Variants in NUP93 observed in about 807,000 individuals in gnomAD.
The protein encoded by NUP93 is nucleoporin 93, also known as nuclear pore complex protein Nup93.
NUP93 carries 55 observed loss-of-function variants against 107.8 expected under a neutral mutation model. The observed-to-expected ratio is 0.51, with a 90% confidence interval of 0.41 to 0.64. The LOEUF (loss-of-function observed/expected upper bound fraction) is 0.64. Ranked by LOEUF, NUP93 falls within the 30% of genes least tolerant of loss-of-function variation. NUP93 has a pLI of 0.00. For synonymous variants in NUP93, 390 were observed against 397.5 expected (o/e 0.98, Z 0.22); for missense variants, 937 against 1,044.7 (o/e 0.90, Z 1.42).
At chr16:56,739,516 C>CG (rs1961672473) in intron 1 of NUP93, among the ~76,000 whole-genome samples, 1 of 77,696 alleles carries the variant, frequency 1.3e-5, no homozygotes, top group African/African-American at 5.0e-5. Flanking sequence ...GCTGGCCGGG[C>CG]GGGGGGGCTG....
intron 3 of NUP93, 78 bp from the exon 4 acceptor site, chr16:56,798,398 G>C (rs1218561368): frequency 6.6e-6 from 8 of 1,204,108 alleles, no homozygotes; most frequent in Non-Finnish European, 6.1e-6. Context: ...TACCATTATG[G>C]TTATTGTTTG....
chr16:56,827,044 CAAAA>C (rs1188027635), intron 8 of NUP93, among the ~76,000 whole-genome samples: 62 of 53,604 alleles, frequency 1.2e-3, no homozygotes, highest in African/African-American at 2.3e-3. Context: ...GACTCCGTCT[CAAAA>C]AAAAAAAAAA....
chr16:56,791,459 G>C (rs546847118), intron 3 of NUP93, among the ~76,000 whole-genome samples: 1 of 152,144 alleles, frequency 6.6e-6, no homozygotes, highest in Non-Finnish European at 1.5e-5. Flanking sequence ...TTTTCACAAA[G>C]GCCCTTATTT....
chr16:56,759,620 T>C (rs1200236725), intron 3 of NUP93, among the ~76,000 whole-genome samples: 1 of 152,234 alleles, frequency 6.6e-6, no homozygotes, highest in African/African-American at 2.4e-5. Flanking sequence ...CTAAATCATT[T>C]TTGCATGTCA....
rs1963969389 is a variant in NUP93 at position 56,839,081 on chromosome 16, G to A, written c.2136+12G>A. 6.3e-7 allele frequency: 1 copy of A among 1,593,930 alleles called. No homozygotes were observed. Among genetic ancestry groups the A allele is most frequent in the South Asian group, 1.1e-5 (1 of 90,312 alleles). ...ATAGAGCTTTTGATGTAAGTTTCAG[G>A]AAAGGTGTTTGAAGTGCAGGTTAAT... On this transcript the variant is annotated intron_variant, in intron 19 of 21. Coordinates refer to ENST00000308159, the MANE Select transcript of NUP93 (RefSeq NM_014669.5).
chr16:56,745,031 A>G (rs1387790366), intron 1 of NUP93, among the ~76,000 whole-genome samples: 1 of 152,210 alleles, frequency 6.6e-6, no homozygotes, highest in Non-Finnish European at 1.5e-5. Flanking sequence ...ACGTCAGTGA[A>G]CAAAACACTG....
At chr16:56,732,823 A>G (rs1269132021) in intron 1 of NUP93, among the ~76,000 whole-genome samples, 1 of 152,232 alleles carries the variant, frequency 6.6e-6, no homozygotes, top group Admixed American at 6.5e-5. Flanking sequence ...ACAAATATGT[A>G]TCTGATCCTG....
At chr16:56,773,835 C>T (rs1040633811) in intron 3 of NUP93, among the ~76,000 whole-genome samples, 6 of 152,170 alleles carry the variant, frequency 3.9e-5, no homozygotes, top group Admixed American at 3.9e-4. Flanking sequence ...ACTAAACAAA[C>T]TGTAAACAAA....
intron 8 of NUP93, among the ~76,000 whole-genome samples, chr16:56,828,262 T>G (rs1288651043): frequency 2.0e-5 from 3 of 151,588 alleles, no homozygotes; most frequent in Non-Finnish European, 4.4e-5. Flanking sequence ...AATGGAATTA[T>G]CTTAGATTAA....
chr16:56,816,502 T>C (rs1282004153), intron 5 of NUP93, among the ~76,000 whole-genome samples: 2 of 152,284 alleles, frequency 1.3e-5, no homozygotes, highest in South Asian at 2.1e-4. Flanking sequence ...CCATCTACTT[T>C]AGGTTCACAA....
At chr16:56,761,675 G>T (rs1962129235) in intron 3 of NUP93, among the ~76,000 whole-genome samples, 1 of 152,110 alleles carries the variant, frequency 6.6e-6, no homozygotes, top group African/African-American at 2.4e-5. Context: ...AAATGCTGAT[G>T]CATTCTTTGA....
Position 56,793,722 on chromosome 16 carries a change from AG to A in NUP93, c.298-4752del, listed in dbSNP as rs746206165. 7.9e-4 allele frequency among the ~76,000 whole-genome samples: 120 copies of A among 152,026 alleles called. 3 individuals are homozygous for A. Among genetic ancestry groups the A allele is most frequent in the Non-Finnish European group, 1.3e-4 (9 of 68,002 alleles). ...TCCATTGGGCTGTTACTTTTCCTTG[AG>A]GTGTGGGTTATTTGAAAGAAACTCA... On this transcript the variant is annotated intron_variant, in intron 3 of 21. Transcript: ENST00000308159.
chr16:56,829,226 A>T, intron 9 of NUP93, 117 bp downstream of exon 9: 3 of 1,268,862 alleles, frequency 2.4e-6, no homozygotes, highest in Non-Finnish European at 3.3e-6. Context: ...ATGGGACCAG[A>T]GAGGGGTGAG....
intron 1 of NUP93, among the ~76,000 whole-genome samples, chr16:56,733,916 T>A (rs543174720): frequency 6.6e-6 from 1 of 152,342 alleles, no homozygotes; most frequent in African/African-American, 2.4e-5. Flanking sequence ...GAAGAAACTT[T>A]CTCAAACCTT....
chr16:56,810,415 A>G lies in NUP93; in HGVS notation c.489+4783A>G, dbSNP rs1418204250. On this transcript the variant is annotated intron_variant, in intron 5 of 21. Transcript: ENST00000308159. Reference sequence around the variant, plus strand: ...AGGCTGAGGCAGGAGGATCACCTGAATCCAGGAGTTTGAGACCAGCCTGGG... The same window carrying G: ...AGGCTGAGGCAGGAGGATCACCTGAGTCCAGGAGTTTGAGACCAGCCTGGG... 3.9e-5 allele frequency among the ~76,000 whole-genome samples: 6 copies of G among 152,276 alleles called. No homozygotes were observed. The East Asian group carries it at 1.2e-3, about 29-fold the overall frequency.
chr16:56,826,380 T>C (rs1340483116), intron 8 of NUP93, among the ~76,000 whole-genome samples: 1 of 151,954 alleles, frequency 6.6e-6, no homozygotes, highest in East Asian at 1.9e-4. Flanking sequence ...GGTGTGGTGG[T>C]GTGCACCTGG....
chr16:56,827,434 C>T (rs1476499491), intron 8 of NUP93, among the ~76,000 whole-genome samples: 1 of 152,148 alleles, frequency 6.6e-6, no homozygotes, highest in African/African-American at 2.4e-5. Context: ...GAATAGAATA[C>T]TTGCATGACT....
chr16:56,783,533 C>T (rs1311697137), intron 3 of NUP93: 1 of 985,312 alleles, frequency 1.0e-6, no homozygotes, highest in Non-Finnish European at 1.2e-6. Flanking sequence ...ACCTCTAACA[C>T]TGACCCTGTA....
intron 8 of NUP93, among the ~76,000 whole-genome samples, chr16:56,825,806 C>T (rs1963646709): frequency 6.6e-6 from 1 of 152,126 alleles, no homozygotes; most frequent in Non-Finnish European, 1.5e-5. Flanking sequence ...GCATCACTCT[C>T]TCATGGCATC....
Sources: allele counts gnomAD v4.1 joint callset (sites outside exome capture counted in the v4.1 genomes callset), GRCh38; gene constraint gnomAD v4.1.1; transcripts MANE v1.5; gene names NCBI Gene and HGNC (gene_info 2026-07-23, HGNC 2026-07-21).